Variants in FPR3 observed in about 807,000 individuals in gnomAD.
FPR3 encodes the protein formyl peptide receptor 3.
For missense variants in FPR3, 346 were observed against 443.2 expected (o/e 0.78, Z 1.97); for synonymous variants, 135 against 163.6 (o/e 0.83, Z 1.34).
intron 1 of FPR3, among the ~76,000 whole-genome samples, chr19:51,807,266 A>G (rs1281729391): frequency 6.6e-6 from 1 of 152,196 alleles, no homozygotes; most frequent in Non-Finnish European, 1.5e-5. Flanking sequence ...GGCTTGCAAG[A>G]CTGCATTCTT....
Position 51,822,230 on chromosome 19 carries a change from T to A in FPR3, c.-10-1509T>A, listed in dbSNP as rs142515499. Reference sequence around the variant, plus strand: ...TAGATCCCAGAAAGATGCCAGGATATCCTCCCATAGTGTTATTGCCCAGAA... The same window carrying A: ...TAGATCCCAGAAAGATGCCAGGATAACCTCCCATAGTGTTATTGCCCAGAA... On this transcript the variant is annotated intron_variant, in intron 1 of 1. Coordinates refer to ENST00000339223, the MANE Select transcript of FPR3 (RefSeq NM_002030.5). Among the ~76,000 whole-genome samples, 28 of 152,308 alleles carry A rather than the reference T, an allele frequency of 1.8e-4. No individual in the cohort carries two copies. The East Asian group carries it at 4.6e-3, about 25-fold the overall frequency.
chr19:51,804,570 C>T (rs894094456), intron 1 of FPR3, among the ~76,000 whole-genome samples: 1 of 152,122 alleles, frequency 6.6e-6, no homozygotes, highest in Non-Finnish European at 1.5e-5. Flanking sequence ...TAAAAAGGCA[C>T]TGATTTGGTT....
At chr19:51,823,494 G>C (rs1303787608) in intron 1 of FPR3, among the ~76,000 whole-genome samples, 1 of 152,188 alleles carries the variant, frequency 6.6e-6, no homozygotes, top group Non-Finnish European at 1.5e-5. Context: ...CTGGTGGACA[G>C]AGCCCTTTAA....
At chr19:51,810,451 G>C (rs1473500107) in intron 1 of FPR3, among the ~76,000 whole-genome samples, 2 of 152,170 alleles carry the variant, frequency 1.3e-5, no homozygotes, top group Admixed American at 6.5e-5. Context: ...ATTGTACTGG[G>C]ACTCCCTCTT....
intron 1 of FPR3, among the ~76,000 whole-genome samples, chr19:51,816,633 T>C (rs1443454464): frequency 6.6e-6 from 1 of 152,210 alleles, no homozygotes; most frequent in South Asian, 2.1e-4. Context: ...ATTACAAAGC[T>C]GATGAGGGGG....
chr19:51,813,659 T>A (rs1266445622), intron 1 of FPR3, among the ~76,000 whole-genome samples: 2 of 152,036 alleles, frequency 1.3e-5, no homozygotes, highest in African/African-American at 4.8e-5. Context: ...GCCTCCCGAA[T>A]ATCTGGGACT....
At position 51,810,942 on chromosome 19, in the gene FPR3, G is replaced by C. The variant is rs181293860; in HGVS notation, c.-10-12797G>C. On this transcript the variant is annotated intron_variant, in intron 1 of 1. Coordinates refer to ENST00000339223, the MANE Select transcript of FPR3 (RefSeq NM_002030.5). ...AGCAGAGCATAAAATTCTTTGTATTGGGGTCTCTAGTTCTGCTACCAAAGG... is the reference window on the plus strand; with the variant it reads ...AGCAGAGCATAAAATTCTTTGTATTCGGGTCTCTAGTTCTGCTACCAAAGG... Among the ~76,000 whole-genome samples, 1,048 of 152,208 alleles carry C rather than the reference G, an allele frequency of 6.9e-3. 13 individuals carry two copies. Among genetic ancestry groups the C allele is most frequent in the African/African-American group, 0.022 (903 of 41,526 alleles).
At chr19:51,822,349 T>C (rs2084196464) in intron 1 of FPR3, among the ~76,000 whole-genome samples, 1 of 152,090 alleles carries the variant, frequency 6.6e-6, no homozygotes, top group South Asian at 2.1e-4. Context: ...CCCGCAAAGA[T>C]GGAGGAGGGA....
Position 51,824,840 on chromosome 19 carries a change from TTCTACCC to T in FPR3, c.*32_*38del. On this transcript the variant is annotated 3_prime_UTR_variant, in exon 2 of 2. Transcript: ENST00000339223. This position sits in a 1 kb window ranked among gnomAD's most constrained non-coding sequence, Gnocchi z 4.7. ...GGGGATATTTTTGGGCTCTGTCTCTTTCTACCCTGCGTTAAGCGGAAAAAAAAAATTC... is the reference window on the plus strand; with the variant it reads ...GGGGATATTTTTGGGCTCTGTCTCTTTGCGTTAAGCGGAAAAAAAAAATTC... The T allele has an allele frequency of 6.5e-7, 1 of 1,549,106 alleles. No individual in the cohort carries two copies. The highest frequency in any genetic ancestry group is 8.7e-7 in the Non-Finnish European group (1 of 1,144,336).
At chr19:51,808,359 G>T (rs2084074252) in intron 1 of FPR3, among the ~76,000 whole-genome samples, 1 of 152,154 alleles carries the variant, frequency 6.6e-6, no homozygotes, top group Non-Finnish European at 1.5e-5. Context: ...CTTTTCTAGA[G>T]CTATTTTGAG....
chr19:51,824,011 G>C lies in FPR3; in HGVS notation c.263G>C (p.Arg88Thr), dbSNP rs1288549525. 57 of 1,614,114 alleles carry C rather than the reference G, an allele frequency of 3.5e-5. No individual in the cohort carries two copies. Among genetic ancestry groups the C allele is most frequent in the Non-Finnish European group, 4.7e-5 (56 of 1,179,990 alleles). Residue 88 changes from arginine (R) to threonine (T), a missense_variant, in exon 2 of 2, where the codon AGA becomes ACA. Coordinates refer to ENST00000339223, the MANE Select transcript of FPR3 (RefSeq NM_002030.5). This position sits in a 1 kb window ranked among gnomAD's most constrained non-coding sequence, Gnocchi z 4.7. ...TTCCGAATGGTCTCAGTCGCCATGA[G>C]AGAAAAATGGCCTTTTGGCTCATTC... ...LPFRMVSVAM[R>T]EKWPFGSFLC... is the part of the protein sequence containing the mutation.
In FPR3 at chr19:51,823,948, T is replaced by A. The variant is rs2084210605; in HGVS notation, c.200T>A (p.Leu67Gln). ...RTVNTICYLN[L>Q]ALADFSFSAI... ...GTCAACACCATCTGTTACCTGAACC[T>A]GGCCCTAGCTGACTTCTCTTTCAGT... is the stretch of plus-strand genomic sequence containing the variant. Residue 67 changes from leucine (L) to glutamine (Q), a missense_variant, in exon 2 of 2, where the codon CTG becomes CAG. Physicochemically the swap from Leu to Gln is moderately radical, Grantham distance 113. Coordinates refer to ENST00000339223, the MANE Select transcript of FPR3 (RefSeq NM_002030.5). The A allele has an allele frequency of 2.5e-6, 4 of 1,614,016 alleles. No individual in the cohort carries two copies. Among genetic ancestry groups the A allele is most frequent in the Non-Finnish European group, 3.4e-6 (4 of 1,179,996 alleles).
At chr19:51,817,774 G>C (rs777803918) in intron 1 of FPR3, 1 of 152,104 alleles carries the variant, frequency 6.6e-6, no homozygotes, top group African/African-American at 2.4e-5. Flanking sequence ...ACAAATCCTT[G>C]GAGCTTGTGT....
chr19:51,804,941 G>A (rs2084048211), intron 1 of FPR3: 1 of 152,246 alleles, frequency 6.6e-6, no homozygotes, highest in South Asian at 2.1e-4. Context: ...TCAGTTGGTT[G>A]GTCCAGAGTA....
chr19:51,803,549 T>TGAC (rs1235218855), intron 1 of FPR3, among the ~76,000 whole-genome samples: 1 of 151,858 alleles, frequency 6.6e-6, no homozygotes, highest in Admixed American at 6.6e-5. Context: ...CAGAGCAGTT[T>TGAC]GACCATTTCA....
At chr19:51,818,000 TCTTTA>T (rs1298369627) in intron 1 of FPR3, among the ~76,000 whole-genome samples, 23 of 152,158 alleles carry the variant, frequency 1.5e-4, no homozygotes, top group East Asian at 9.6e-4. Flanking sequence ...TTTTTTCTTT[TCTTTA>T]CTTTTCTTTT....
chr19:51,797,877 C>CTTTTTGTTTTTTTTTTT (rs2084008857), intron 1 of FPR3, among the ~76,000 whole-genome samples: 1 of 71,518 alleles, frequency 1.4e-5, no homozygotes, highest in Non-Finnish European at 2.4e-5. Context: ...CATGTCTATT[C>CTTTTTGTTTTTTTTTTT]TTTTTTTTTT....
chr19:51,822,983 C>A (rs1324972375), intron 1 of FPR3, among the ~76,000 whole-genome samples: 1 of 152,110 alleles, frequency 6.6e-6, no homozygotes, highest in African/African-American at 2.4e-5. Flanking sequence ...CTGCCTCAGC[C>A]TCCTAAGTAG....
At chr19:51,820,262 T>C (rs978538869) in intron 1 of FPR3, among the ~76,000 whole-genome samples, 4 of 152,226 alleles carry the variant, frequency 2.6e-5, no homozygotes, top group African/African-American at 9.6e-5. Flanking sequence ...TTCCAATCTG[T>C]AATCATACAT....
Sources: gnomAD v4.1 joint callset for allele counts (sites outside exome capture counted in the v4.1 genomes callset) on GRCh38, gnomAD v4.1.1 for gene constraint, Gnocchi (gnomAD v3.1) non-coding constraint, MANE v1.5 for transcripts, NCBI Gene and HGNC (gene_info 2026-07-23, HGNC 2026-07-21) for gene names.